Variants in KDM1B observed in about 807,000 individuals in gnomAD.
KDM1B encodes the protein lysine-specific histone demethylase 2.
In KDM1B, 63 loss-of-function variants were observed where a neutral mutation model predicts 107.4. The ratio of observed to expected loss-of-function variants is 0.59; its 90% CI spans 0.48 to 0.72. The LOEUF is 0.72. KDM1B is among the 30% of genes least tolerant of loss of function. The pLI is 0.00. For missense variants in KDM1B, 749 were observed against 1,020.8 expected (o/e 0.73, Z 3.63); for synonymous variants, 363 against 363.9 (o/e 1.00, Z 0.03).
rs1788710574 is a variant in KDM1B, at chr6:18,209,951, C to G, written c.1866+1745C>G. On this transcript the variant is annotated intron_variant, in intron 17 of 21. Coordinates refer to ENST00000650836, the MANE Select transcript of KDM1B (RefSeq NM_001364614.2). The surrounding 1 kb of genome is among the most constrained non-coding windows in gnomAD (Gnocchi z 4.3). ...CAGTTCAGCCTCTGCTGTTCTGTAG[C>G]TCCACTTCTTGGTGTCCAGGACAGC... 2.0e-5 allele frequency among the ~76,000 whole-genome samples: 3 copies of G among 152,160 alleles called. No homozygotes were observed. In the South Asian group the frequency reaches 6.2e-4, roughly 31 times the overall value.
chr6:18,183,508 C>T (rs1377571369), intron 7 of KDM1B, among the ~76,000 whole-genome samples: 5 of 151,928 alleles, frequency 3.3e-5, no homozygotes, highest in African/African-American at 1.2e-4. Flanking sequence ...GATCCACCCA[C>T]CTCGGCCTCC....
rs1290561710 is a variant in KDM1B at position 18,191,760 on chromosome 6, A to G, written c.969+379A>G. On this transcript the variant is annotated intron_variant, in intron 10 of 21. Coordinates refer to ENST00000650836, the MANE Select transcript of KDM1B (RefSeq NM_001364614.2). This position sits in a 1 kb window ranked among gnomAD's most constrained non-coding sequence, Gnocchi z 5.1. Reference sequence around the variant, plus strand: ...TTTGGTCCAAAGAGTTCCAATGGCAATGGCAGGAGGGAAAAACATCAAAGA... The same window carrying G: ...TTTGGTCCAAAGAGTTCCAATGGCAGTGGCAGGAGGGAAAAACATCAAAGA... 6.6e-6 allele frequency among the ~76,000 whole-genome samples: 1 copy of G among 152,156 alleles called. No homozygotes were observed. Among genetic ancestry groups the G allele is most frequent in the African/African-American group, 2.4e-5 (1 of 41,428 alleles).
In KDM1B at chr6:18,176,333, A is replaced by G. The variant is rs915540787; in HGVS notation, c.534+4854A>G. ...TCTGGAAACTTTGCTAACTTCTTTT[A>G]TCAGTTCTAGGAGCCTTCTGGAAGA... On this transcript the variant is annotated intron_variant, in intron 7 of 21. Coordinates refer to ENST00000650836, the MANE Select transcript of KDM1B (RefSeq NM_001364614.2). 2.6e-5 allele frequency among the ~76,000 whole-genome samples: 4 copies of G among 152,180 alleles called. No homozygotes were observed. The East Asian group carries it at 5.8e-4, about 22-fold the overall frequency.
intron 10 of KDM1B, among the ~76,000 whole-genome samples, chr6:18,196,079 A>T (rs142333870): frequency 0.017 from 2,637 of 152,294 alleles, 39 homozygotes; most frequent in Middle Eastern, 0.041. Flanking sequence ...ATGTGAGATC[A>T]TGCAGTATTT....
chr6:18,185,856 A>G (rs766252980), intron 8 of KDM1B, 46 bp downstream of exon 8: 1 of 1,561,552 alleles, frequency 6.4e-7, no homozygotes, highest in East Asian at 2.2e-5. Flanking sequence ...TGTGCCTTTG[A>G]TGATAAGTGT....
intron 12 of KDM1B, among the ~76,000 whole-genome samples, chr6:18,199,256 A>C (rs1204574571): frequency 1.3e-5 from 2 of 152,126 alleles, no homozygotes; most frequent in African/African-American, 4.8e-5. Context: ...TACAAGGTGC[A>C]GCCTTCCTAG....
chr6:18,193,349 G>A (rs973513973), intron 10 of KDM1B, among the ~76,000 whole-genome samples: 3 of 139,834 alleles, frequency 2.1e-5, no homozygotes, highest in African/African-American at 8.0e-5. Flanking sequence ...TGTTGCCCAG[G>A]CTGGAGTACA....
chr6:18,161,491 C>T (rs1269536462), intron 4 of KDM1B, 37 bp downstream of exon 4: 2 of 1,607,392 alleles, frequency 1.2e-6, no homozygotes, highest in Non-Finnish European at 1.7e-6. Flanking sequence ...CCCATTTCTG[C>T]TTGTGAGAAG....
At chr6:18,174,661 C>A (rs1248703329) in intron 7 of KDM1B, among the ~76,000 whole-genome samples, 1 of 150,944 alleles carries the variant, frequency 6.6e-6, no homozygotes, top group Non-Finnish European at 1.5e-5. Flanking sequence ...CATTCATATG[C>A]CTTTGTGTCC....
intron 7 of KDM1B, among the ~76,000 whole-genome samples, chr6:18,178,234 C>T (rs962504610): frequency 7.3e-5 from 11 of 149,820 alleles, no homozygotes; most frequent in Admixed American, 6.1e-4. Context: ...AGGCACCCAC[C>T]ACCACGCCCA....
At chr6:18,179,029 G>T (rs1021152942) in intron 7 of KDM1B, among the ~76,000 whole-genome samples, 15 of 152,246 alleles carry the variant, frequency 9.9e-5, no homozygotes, top group African/African-American at 3.6e-4. Flanking sequence ...GTCATATACA[G>T]TGTTGGCTAT....
intron 4 of KDM1B, 69 bp downstream of exon 4, chr6:18,161,523 T>C (rs1289744711): frequency 1.9e-6 from 3 of 1,538,518 alleles, no homozygotes; most frequent in African/African-American, 1.4e-5. Context: ...AACATCATCC[T>C]TGTAGATAGT....
At chr6:18,189,919 G>A (rs767898478) in intron 9 of KDM1B, among the ~76,000 whole-genome samples, 4 of 152,000 alleles carry the variant, frequency 2.6e-5, no homozygotes, top group Non-Finnish European at 2.9e-5. Flanking sequence ...GCCGAGACGG[G>A]CAGATCATGA....
chr6:18,174,208 A>G (rs1785845290), intron 7 of KDM1B, among the ~76,000 whole-genome samples: 1 of 152,130 alleles, frequency 6.6e-6, no homozygotes, highest in African/African-American at 2.4e-5. Flanking sequence ...TCTGTATAGT[A>G]AGTCTTAAAA....
intron 7 of KDM1B, among the ~76,000 whole-genome samples, chr6:18,184,760 T>TTTTTTTTTG (rs60640799): frequency 7.6e-6 from 1 of 130,828 alleles, no homozygotes; most frequent in Non-Finnish European, 1.6e-5. Flanking sequence ...TTTTTTTTTT[T>TTTTTTTTTG]AAGACAAGGT....
In KDM1B at chr6:18,183,401, G is replaced by A. The variant is rs567489581; in HGVS notation, c.535-2371G>A. On this transcript the variant is annotated intron_variant, in intron 7 of 21. Transcript: ENST00000650836. ...TCCTGCCTCAGCCTCCTGAGTAGCT[G>A]GTGCCCGCCACCACACCTGACTAAT... Among the ~76,000 whole-genome samples the A allele has an allele frequency of 2.6e-3, 390 of 151,300 alleles. 3 individuals carry two copies. The highest frequency in any genetic ancestry group is 9.2e-3 in the African/African-American group (379 of 41,190).
chr6:18,161,266 T>A, intron 3 of KDM1B, 61 bp from the exon 4 acceptor site: 1 of 1,540,424 alleles, frequency 6.5e-7, no homozygotes, highest in Non-Finnish European at 9.0e-7. Context: ...GTAGTGAACC[T>A]TCATCCTTAG....
At chr6:18,156,363 C>T (rs1317026375) in intron 2 of KDM1B, among the ~76,000 whole-genome samples, 3 of 152,154 alleles carry the variant, frequency 2.0e-5, no homozygotes, top group African/African-American at 7.2e-5. Flanking sequence ...ACATAGAAGT[C>T]CAGTCTTCCC....
chr6:18,174,816 A>G (rs1785889391), intron 7 of KDM1B, among the ~76,000 whole-genome samples: 1 of 152,196 alleles, frequency 6.6e-6, no homozygotes, highest in African/African-American at 2.4e-5. Context: ...GCTGAGTAGT[A>G]GTCCATCATA....
Sources: gnomAD v4.1 joint callset for allele counts (sites outside exome capture counted in the v4.1 genomes callset) on GRCh38, gnomAD v4.1.1 for gene constraint, Gnocchi (gnomAD v3.1) non-coding constraint, MANE v1.5 for transcripts, NCBI Gene and HGNC (gene_info 2026-07-23, HGNC 2026-07-21) for gene names.